FBXO34: variants seen among roughly 807,000 people sequenced by gnomAD.
FBXO34 encodes the protein F-box protein 34.
A neutral mutation model predicts 24.5 loss-of-function variants in FBXO34; 12 were observed. The observed-to-expected ratio is 0.49, with a 90% CI of 0.31 to 0.79. FBXO34 has a LOEUF of 0.79. FBXO34 is among the 30% of genes least tolerant of loss of function. The probability of loss-of-function intolerance (pLI) is 0.04; values close to 1 mark genes in which losing one functional copy is unlikely to be tolerated. For missense variants in FBXO34, 823 were observed against 857.7 expected, an observed-to-expected ratio of 0.96 and a Z score of 0.51; for synonymous variants, 320 against 311.9, an observed-to-expected ratio of 1.03 and a Z score of -0.27.
chr14:55,352,303 A>C lies in FBXO34; in HGVS notation c.1913A>C (p.Lys638Thr), dbSNP rs1482023935. 1.9e-6 allele frequency: 3 copies of C among 1,614,134 alleles called. No homozygotes were observed. Among genetic ancestry groups the C allele is most frequent in the Non-Finnish European group, 1.7e-6 (2 of 1,179,972 alleles). Residue 638 changes from lysine to threonine, a missense_variant, in exon 2 of 2, where the codon AAG becomes ACG. By Grantham distance (78) the Lys-to-Thr change is moderately conservative (BLOSUM62 -1). Around this residue, in one of 2 missense-constraint regions of FBXO34, gnomAD observed 130 missense variants for 198.6 expected, o/e 0.65. Transcript: ENST00000313833. ...GATCCTTGCAAACAGTGCAAGAAAA[A>C]GTATGTGAAAGGGGATGTGTCCCTG... ...REDPCKQCKK[K>T]YVKGDVSLCR...
chr14:55,334,575 C>T (rs1043787488), intron 1 of FBXO34, among the ~76,000 whole-genome samples: 5 of 151,850 alleles, frequency 3.3e-5, no homozygotes, highest in Admixed American at 1.3e-4. Context: ...CAACGAGGAG[C>T]CAGTTGGAGA....
intron 3 of FBXO34, among the ~76,000 whole-genome samples, chr14:55,361,264 C>T (rs926713571): frequency 6.6e-6 from 1 of 152,208 alleles, no homozygotes; most frequent in Non-Finnish European, 1.5e-5. Context: ...ATATCTCCAT[C>T]AGAGCTCTTG....
At chr14:55,393,157 G>A in the FBXO34 span, among the ~76,000 whole-genome samples, 8,592 of 152,166 alleles carry the variant, frequency 0.056, 297 homozygotes, top group South Asian at 0.086. Flanking sequence ...CAAGGTGGGC[G>A]GATCACGAGG....
At chr14:55,337,122 C>T (rs1883811505) in intron 1 of FBXO34, among the ~76,000 whole-genome samples, 2 of 151,914 alleles carry the variant, frequency 1.3e-5, no homozygotes, top group South Asian at 4.2e-4. Context: ...CACAGATGTC[C>T]ACCACTGTGC....
the FBXO34 span, chr14:55,378,061 C>T: frequency 4.7e-5 from 75 of 1,612,588 alleles, no homozygotes; most frequent in Non-Finnish European, 3.7e-5. Context: ...CTTAGATTTT[C>T]GCCACAAAAT....
chr14:55,383,055 C>T, the FBXO34 span, among the ~76,000 whole-genome samples: 1 of 152,044 alleles, frequency 6.6e-6, no homozygotes, highest in Non-Finnish European at 1.5e-5. Context: ...AATAGCATCC[C>T]ACAAAAAGAG....
At chr14:55,370,294 A>G (rs1185521182), downstream of FBXO34, among the ~76,000 whole-genome samples, 5 of 152,234 alleles carry the variant, frequency 3.3e-5, no homozygotes, top group East Asian at 1.9e-4. Context: ...CAATGAGACA[A>G]TTCTAACAAA....
At chr14:55,359,362 T>C (rs988092531) in intron 3 of FBXO34, among the ~76,000 whole-genome samples, 1 of 152,220 alleles carries the variant, frequency 6.6e-6, no homozygotes, top group African/African-American at 2.4e-5. Flanking sequence ...ATAAAATTCG[T>C]TCCATCCAAC....
At chr14:55,296,100 G>C (rs1882112027) in intron 1 of FBXO34, among the ~76,000 whole-genome samples, 1 of 152,092 alleles carries the variant, frequency 6.6e-6, no homozygotes, top group Non-Finnish European at 1.5e-5. Context: ...ACCAGCCTTA[G>C]CAAGTCCCCC....
chr14:55,360,180 C>A (rs1011132178), intron 3 of FBXO34, among the ~76,000 whole-genome samples: 2 of 152,094 alleles, frequency 1.3e-5, no homozygotes, highest in African/African-American at 4.8e-5. Context: ...TCAAGAGATT[C>A]TCTTGCCTCA....
At chr14:55,392,281 G>A in the FBXO34 span, among the ~76,000 whole-genome samples, 1 of 152,118 alleles carries the variant, frequency 6.6e-6, no homozygotes. Flanking sequence ...TTTCCTAACA[G>A]GCCACAGCCC....
the FBXO34 span, among the ~76,000 whole-genome samples, chr14:55,441,479 C>G: frequency 6.6e-6 from 1 of 152,028 alleles, no homozygotes; most frequent in Admixed American, 6.6e-5. Context: ...TTCTCTTGAG[C>G]AGAGTGAGTG....
the FBXO34 span, chr14:55,414,143 G>C: frequency 1.9e-6 from 1 of 533,528 alleles, no homozygotes; most frequent in Non-Finnish European, 3.4e-6. Context: ...ATTCTAGTGA[G>C]ACCCTAAATC....
chr14:55,305,657 G>A (rs1318119503), intron 1 of FBXO34, among the ~76,000 whole-genome samples: 2 of 147,162 alleles, frequency 1.4e-5, no homozygotes, highest in African/African-American at 5.1e-5. Context: ...TCGTGCCACT[G>A]CACTCCTCAA....
chr14:55,323,227 T>TATATA (rs1566555916), intron 1 of FBXO34, among the ~76,000 whole-genome samples: 9 of 14,778 alleles, frequency 6.1e-4, no homozygotes, highest in East Asian at 4.8e-3. Flanking sequence ...AAATATATAT[T>TATATA]TTTTTTTTTT....
chr14:55,282,964 C>G (rs1411852286), intron 1 of FBXO34, among the ~76,000 whole-genome samples: 1 of 152,152 alleles, frequency 6.6e-6, no homozygotes, highest in Non-Finnish European at 1.5e-5. Flanking sequence ...CAAAGTAGGG[C>G]AAGAGGTTTT....
chr14:55,441,203 G>T, the FBXO34 span, among the ~76,000 whole-genome samples: 2 of 152,192 alleles, frequency 1.3e-5, no homozygotes, highest in African/African-American at 4.8e-5. Context: ...CTGGAGTGCG[G>T]TGACAGGCGA....
chr14:55,298,796 C>G (rs970980549), intron 1 of FBXO34: 9 of 1,608,312 alleles, frequency 5.6e-6, no homozygotes, highest in African/African-American at 1.3e-5. Context: ...AAAACAAGCC[C>G]GCGGCCCTCC....
intron 1 of FBXO34, among the ~76,000 whole-genome samples, chr14:55,305,577 T>A (rs1882514774): frequency 1.4e-5 from 2 of 145,438 alleles, no homozygotes; most frequent in South Asian, 2.2e-4. Context: ...GTGTCTGTAG[T>A]CCCCAGCTAC....
Sources: allele counts gnomAD v4.1 joint callset (sites outside exome capture counted in the v4.1 genomes callset), GRCh38; gene constraint gnomAD v4.1.1; regional missense constraint gnomAD v4.1.1; transcripts MANE v1.5; gene names NCBI Gene and HGNC (gene_info 2026-07-23, HGNC 2026-07-21).